Variants in MECOM observed in about 807,000 individuals in gnomAD.
MECOM encodes histone-lysine N-methyltransferase MECOM.
MECOM carries 13 observed loss-of-function variants against 116.3 expected under a neutral mutation model. The observed-to-expected ratio is 0.11, with a 90% CI of 0.07 to 0.18. MECOM has a LOEUF of 0.18. Among genes scored for constraint, MECOM ranks in the 10% least tolerant of loss-of-function variants. The pLI is 1.00. For missense variants in MECOM, 1,299 were observed against 1,509.0 expected, an observed-to-expected ratio of 0.86 and a Z score of 2.31; for synonymous variants, 528 against 535.2, an observed-to-expected ratio of 0.99 and a Z score of 0.19.
intron 2 of MECOM, among the ~76,000 whole-genome samples, chr3:169,236,943 G>A (rs1754138062): frequency 6.6e-6 from 1 of 152,050 alleles, no homozygotes; most frequent in Non-Finnish European, 1.5e-5. Context: ...TCATTTCTTT[G>A]GTTTCACAAA....
intron 2 of MECOM, among the ~76,000 whole-genome samples, chr3:169,299,596 C>T (rs1453516553): frequency 1.3e-5 from 2 of 152,156 alleles, no homozygotes. Flanking sequence ...CTCAAAGTCC[C>T]CTGAACCCGG....
At chr3:169,145,357 A>G in intron 2 of MECOM, 1 of 276,518 alleles carries the variant, frequency 3.6e-6, no homozygotes, top group Non-Finnish European at 6.8e-6. Context: ...GAGTAACTCA[A>G]ATGGCAACTT....
intron 16 of MECOM, among the ~76,000 whole-genome samples, chr3:169,087,600 A>G (rs1718239257): frequency 6.6e-6 from 1 of 152,166 alleles, no homozygotes; most frequent in Non-Finnish European, 1.5e-5. Context: ...CTGTCTCAAA[A>G]ACAAAGAAAC....
chr3:169,105,019 G>A (rs1270700787), intron 10 of MECOM, among the ~76,000 whole-genome samples: 3 of 152,046 alleles, frequency 2.0e-5, no homozygotes, highest in Non-Finnish European at 4.4e-5. Flanking sequence ...AATGAAAAGA[G>A]GATTAAATTG....
At chr3:169,427,309 C>T (rs1740894543) in intron 1 of MECOM, among the ~76,000 whole-genome samples, 1 of 151,828 alleles carries the variant, frequency 6.6e-6, no homozygotes, top group Non-Finnish European at 1.5e-5. Flanking sequence ...AGTATAATAG[C>T]TTTGTATTTT....
chr3:169,167,660 A>C (rs1743796085), intron 2 of MECOM, among the ~76,000 whole-genome samples: 1 of 152,182 alleles, frequency 6.6e-6, no homozygotes, highest in Non-Finnish European at 1.5e-5. Flanking sequence ...CTTCTTGGAT[A>C]ATTGAAAGTA....
rs933965109 is a variant in MECOM at position 169,484,185 on chromosome 3, T to C, written c.38-102661A>G. 9.8e-6 allele frequency: 6 copies of C among 612,164 alleles called. No homozygotes were observed. In the African/African-American group the frequency reaches 1.1e-4, roughly 11 times the overall value. The allele number at this position is 612,164 out of a possible 1,614,324, so 37.9% of individuals were successfully genotyped here. On this transcript the variant is annotated intron_variant, in intron 1 of 16. Coordinates refer to ENST00000651503, the MANE Select transcript of MECOM (RefSeq NM_004991.4). ...TGCTTTGCCCAATCCCATTACTGCT[T>C]GCACTTATTGATGAGCTTTGTAAAT... is the stretch of plus-strand genomic sequence containing the variant.
intron 2 of MECOM, among the ~76,000 whole-genome samples, chr3:169,337,833 T>C (rs1723826607): frequency 6.6e-6 from 1 of 152,190 alleles, no homozygotes; most frequent in African/African-American, 2.4e-5. Context: ...AAAGTGTATT[T>C]TTCACATGGT....
intron 1 of MECOM, among the ~76,000 whole-genome samples, chr3:169,448,811 G>A (rs567172840): frequency 4.1e-4 from 62 of 152,218 alleles, no homozygotes; most frequent in East Asian, 7.7e-4. Context: ...GTGGTTTGAG[G>A]AGGGTGGAAA....
intron 1 of MECOM, among the ~76,000 whole-genome samples, chr3:169,420,212 C>T (rs1739469150): frequency 6.6e-6 from 1 of 151,896 alleles, no homozygotes; most frequent in Non-Finnish European, 1.5e-5. Flanking sequence ...TTCCACTTCC[C>T]AAGTTCAAGC....
chr3:169,163,507 A>C (rs1559939061), intron 2 of MECOM, among the ~76,000 whole-genome samples: 1 of 152,210 alleles, frequency 6.6e-6, no homozygotes, highest in Non-Finnish European at 1.5e-5. Context: ...TTCTATGTAG[A>C]AAGCTTAGTA....
intron 1 of MECOM, among the ~76,000 whole-genome samples, chr3:169,638,197 C>T (rs16854248): frequency 0.027 from 4,040 of 152,236 alleles, 169 homozygotes; most frequent in African/African-American, 0.089. Flanking sequence ...TTAAAGTCTT[C>T]CCCTAGCATT....
chr3:169,436,284 C>G (rs1048450718), intron 1 of MECOM, among the ~76,000 whole-genome samples: 1 of 119,860 alleles, frequency 8.3e-6, no homozygotes, highest in Non-Finnish European at 1.6e-5. Context: ...GAGTTTCGCT[C>G]TTGTTGCCCA....
intron 1 of MECOM, among the ~76,000 whole-genome samples, chr3:169,445,875 C>T (rs1744538640): frequency 1.3e-5 from 2 of 152,190 alleles, no homozygotes; most frequent in Admixed American, 1.3e-4. Flanking sequence ...CATTTTGGAG[C>T]TTTAAATTTG....
At chr3:169,157,727 C>A (rs1439807730) in intron 2 of MECOM, among the ~76,000 whole-genome samples, 3 of 152,198 alleles carry the variant, frequency 2.0e-5, no homozygotes, top group Non-Finnish European at 4.4e-5. Flanking sequence ...GAAGCAGATT[C>A]TCAAAGGTAT....
At chr3:169,361,609 C>A (rs1728315207) in intron 2 of MECOM, among the ~76,000 whole-genome samples, 1 of 151,728 alleles carries the variant, frequency 6.6e-6, no homozygotes, top group African/African-American at 2.4e-5. Flanking sequence ...TGAGGTAGAT[C>A]CTATTGTTAA....
chr3:169,213,982 AT>A (rs1298907584), intron 2 of MECOM, among the ~76,000 whole-genome samples: 1 of 152,076 alleles, frequency 6.6e-6, no homozygotes, highest in Non-Finnish European at 1.5e-5. Context: ...GGCTACATGG[AT>A]TTTAGTGTCC....
intron 2 of MECOM, among the ~76,000 whole-genome samples, chr3:169,170,610 GT>G (rs948973120): frequency 5.3e-5 from 8 of 151,688 alleles, no homozygotes; most frequent in Admixed American, 4.6e-4. Context: ...CTAGAACTAT[GT>G]TTTTTTTCTC....
intron 1 of MECOM, among the ~76,000 whole-genome samples, chr3:169,386,643 T>C (rs1733367050): frequency 6.6e-6 from 1 of 152,168 alleles, no homozygotes; most frequent in Non-Finnish European, 1.5e-5. Context: ...CTTCCATGGA[T>C]TTTATTTATG....
Sources: allele counts gnomAD v4.1 joint callset (sites outside exome capture counted in the v4.1 genomes callset), GRCh38; gene constraint gnomAD v4.1.1; transcripts MANE v1.5; gene names NCBI Gene and HGNC (gene_info 2026-07-23, HGNC 2026-07-21).